The following PLCG1 variants were observed in gnomAD, a reference collection of about 807,000 sequenced individuals.
PLCG1 encodes 1-phosphatidylinositol 4,5-bisphosphate phosphodiesterase gamma-1.
Under a neutral mutation model 177.8 loss-of-function variants are expected in PLCG1, and 71 were observed. The observed-to-expected ratio is 0.40, with a 90% CI of 0.33 to 0.49. PLCG1 has a LOEUF of 0.49. PLCG1 is among the 20% of genes least tolerant of loss of function. The pLI, the probability that PLCG1 is intolerant of heterozygous loss-of-function variation, is 0.72. For synonymous variants in PLCG1, 658 were observed against 647.9 expected, an observed-to-expected ratio of 1.02 and a Z score of -0.24; for missense variants, 1,281 against 1,709.0, an observed-to-expected ratio of 0.75 and a Z score of 4.42.
Position 41,137,628 on chromosome 20 carries a change from C to A in PLCG1, c.-14C>A. On this transcript the variant is annotated 5_prime_UTR_variant, in exon 1 of 32. Coordinates refer to ENST00000685551, the MANE Select transcript of PLCG1 (RefSeq NM_002660.3). The surrounding 1 kb of genome is among the most constrained non-coding windows in gnomAD (Gnocchi z 7.3). ...GTCCTGGCCTGTGCCGCCGCCGCCC[C>A]CAGCGTCGGAGCCATGGCGGGCGCC... 1 of 1,316,894 alleles carries A rather than the reference C, an allele frequency of 7.6e-7. No homozygotes were observed. The highest frequency in any genetic ancestry group is 9.7e-7 in the Non-Finnish European group (1 of 1,031,542). The allele number at this position is 1,316,894 out of a possible 1,614,324, so 81.6% of individuals were successfully genotyped here. A position where few individuals can be genotyped will look rare whatever the true frequency, so the allele number is the denominator to read the frequency against.
rs1282938222 is a variant in PLCG1 at position 41,147,048 on chromosome 20, G to A, written c.217+9190G>A. Among the ~76,000 whole-genome samples, 1 of 152,154 alleles carries A rather than the reference G, an allele frequency of 6.6e-6. No homozygotes were observed. Among genetic ancestry groups the A allele is most frequent in the East Asian group, 1.9e-4 (1 of 5,190 alleles). On this transcript the variant is annotated intron_variant, in intron 1 of 31. Coordinates refer to ENST00000685551, the MANE Select transcript of PLCG1 (RefSeq NM_002660.3). This position sits in a 1 kb window ranked among gnomAD's most constrained non-coding sequence, Gnocchi z 4.0. ...GCAGGGGTGATGGTCCTTCTCTGAG[G>A]CACTGAAGACCCACTTTATGGTCAC...
At chr20:41,139,075 G>T (rs2034724095) in intron 1 of PLCG1, among the ~76,000 whole-genome samples, 1 of 152,188 alleles carries the variant, frequency 6.6e-6, no homozygotes, top group Admixed American at 6.5e-5. Flanking sequence ...CTTGGGTATG[G>T]TGTGCATGTG....
chr20:41,142,922 G>C (rs147318891), intron 1 of PLCG1, among the ~76,000 whole-genome samples: 1 of 152,272 alleles, frequency 6.6e-6, no homozygotes, highest in East Asian at 1.9e-4. Context: ...GGAGGAGTTC[G>C]AATGCACCTG....
intron 22 of PLCG1, 65 bp from the exon 23 acceptor site, chr20:41,169,392 C>G: frequency 7.9e-7 from 1 of 1,267,968 alleles, no homozygotes; most frequent in Non-Finnish European, 1.2e-6. Context: ...CCCATGCACA[C>G]GGATATCCCC....
chr20:41,150,915 G>C lies in PLCG1; in HGVS notation c.218-8691G>C, dbSNP rs919839374. Among the ~76,000 whole-genome samples the C allele has an allele frequency of 6.6e-6, 1 of 152,136 alleles. No individual in the cohort carries two copies. Among genetic ancestry groups the C allele is most frequent in the Non-Finnish European group, 1.5e-5 (1 of 68,016 alleles). On this transcript the variant is annotated intron_variant, in intron 1 of 31. Transcript: ENST00000685551. The surrounding 1 kb of genome is among the most constrained non-coding windows in gnomAD (Gnocchi z 4.0). Reference sequence around the variant, plus strand: ...CCCATCTGTTTCCTCCATCAGGCAGGGGTTTTCTCAAAGGCAGGAACTCAA... The same window carrying C: ...CCCATCTGTTTCCTCCATCAGGCAGCGGTTTTCTCAAAGGCAGGAACTCAA...
Position 41,173,993 on chromosome 20 carries a change from T to C in PLCG1, c.3627T>C (p.Ile1209=), listed in dbSNP as rs2035983504. 1.2e-6 allele frequency: 2 copies of C among 1,614,042 alleles called. No individual in the cohort carries two copies. The highest frequency in any genetic ancestry group is 1.7e-6 in the Non-Finnish European group (2 of 1,179,964). ...DLELASLLIK[I]DIFPAKQENG... ...AGTTGGCCTCCCTGCTGATCAAGAT[T>C]GACATTTTCCCTGCCAAGGTATCTG... The change falls in exon 30 of 32, where the codon ATT becomes ATC. Residue 1209 remains isoleucine (I), a synonymous_variant. Transcript: ENST00000685551. The surrounding 1 kb of genome is among the most constrained non-coding windows in gnomAD (Gnocchi z 6.2).
Position 41,166,592 on chromosome 20 carries a change from T to G in PLCG1, c.2117T>G (p.Phe706Cys). The G allele has an allele frequency of 1.2e-6, 2 of 1,614,214 alleles. No homozygotes were observed. Among genetic ancestry groups the G allele is most frequent in the Non-Finnish European group, 1.7e-6 (2 of 1,180,036 alleles). Residue 706 changes from phenylalanine to cysteine, a missense_variant, in exon 18 of 32, where the codon TTC (phenylalanine) becomes TGC (cysteine). By Grantham distance (205) the Phe-to-Cys change is radical (BLOSUM62 -2). Transcript: ENST00000685551. This position sits in a 1 kb window ranked among gnomAD's most constrained non-coding sequence, Gnocchi z 8.6. ...RNEPNSYAIS[F>C]RAEGKIKHCR... ...GAACCCAACTCATATGCCATCTCTTTCCGGTGAGGGGTGTGGCACTGGGTT... is the reference window on the plus strand; with the variant it reads ...GAACCCAACTCATATGCCATCTCTTGCCGGTGAGGGGTGTGGCACTGGGTT...
rs189864444 is a variant in PLCG1 at position 41,157,465 on chromosome 20, G to C, written c.218-2141G>C. Among the ~76,000 whole-genome samples, 5 of 152,178 alleles carry C rather than the reference G, an allele frequency of 3.3e-5. No homozygotes were observed. The East Asian group carries it at 9.7e-4, about 29-fold the overall frequency. ...GTTCTCCCTGCCCCTGTTTCTACCC[G>C]AGTATAACTGTTCATTTTTGTTCCC... On this transcript the variant is annotated intron_variant, in intron 1 of 31. Coordinates refer to ENST00000685551, the MANE Select transcript of PLCG1 (RefSeq NM_002660.3). The surrounding 1 kb of genome is among the most constrained non-coding windows in gnomAD (Gnocchi z 5.4).
chr20:41,151,740 C>T lies in PLCG1; in HGVS notation c.218-7866C>T, dbSNP rs2035173111. Among the ~76,000 whole-genome samples, 1 of 152,150 alleles carries T rather than the reference C, an allele frequency of 6.6e-6. No homozygotes were observed. Among genetic ancestry groups the T allele is most frequent in the South Asian group, 2.1e-4 (1 of 4,828 alleles). ...ATGCAGCCAGCTTGGAAATGCTGACCATCCTGTGACCTGGCTACTATTGCA... is the reference window on the plus strand; with the variant it reads ...ATGCAGCCAGCTTGGAAATGCTGACTATCCTGTGACCTGGCTACTATTGCA... On this transcript the variant is annotated intron_variant, in intron 1 of 31. Coordinates refer to ENST00000685551, the MANE Select transcript of PLCG1 (RefSeq NM_002660.3). This position sits in a 1 kb window ranked among gnomAD's most constrained non-coding sequence, Gnocchi z 5.5.
At chr20:41,152,431 A>G (rs1648961667) in intron 1 of PLCG1, among the ~76,000 whole-genome samples, 1 of 152,074 alleles carries the variant, frequency 6.6e-6, no homozygotes, top group African/African-American at 2.4e-5. Context: ...CCCCCCAACT[A>G]TGCCTGCTGC....
rs192373574 is a variant in PLCG1, at chr20:41,174,235, C to T, written c.3757C>T (p.Arg1253Cys). The T allele has an allele frequency of 8.7e-6, 14 of 1,614,158 alleles. No homozygotes were observed. The Admixed American group carries it at 2.0e-4, about 23-fold the overall frequency. The change falls in exon 31 of 32, where the codon CGC (arginine) becomes TGC (cysteine). Residue 1253 changes from arginine (R) to cysteine (C), a missense_variant. Physicochemically the swap from Arg to Cys is radical, Grantham distance 180. Transcript: ENST00000685551. The surrounding 1 kb of genome is among the most constrained non-coding windows in gnomAD (Gnocchi z 5.8). Reference sequence around the variant, plus strand: ...AGCCCGGGAAGGCTCCTTTGAATCCCGCTACCAGCAGCCGTTTGAGGACTT... The same window carrying T: ...AGCCCGGGAAGGCTCCTTTGAATCCTGCTACCAGCAGCCGTTTGAGGACTT... The part of the protein sequence containing the change: ...GRAREGSFES[R>C]YQQPFEDFRI...
intron 20 of PLCG1, 101 bp from the exon 21 acceptor site, chr20:41,168,665 AG>A (rs1472409634): frequency 9.9e-6 from 7 of 709,284 alleles, no homozygotes; most frequent in Admixed American, 8.5e-5. Flanking sequence ...GCCTGACCCC[AG>A]GCAGGGAAGC....
chr20:41,138,123 C>G (rs1346710677), intron 1 of PLCG1: 4 of 312,822 alleles, frequency 1.3e-5, no homozygotes, highest in African/African-American at 4.3e-5. Flanking sequence ...CCTAAAAATC[C>G]TCGCGGGCTG....
intron 4 of PLCG1, among the ~76,000 whole-genome samples, chr20:41,161,882 C>T (rs2035509886): frequency 6.6e-6 from 1 of 152,180 alleles, no homozygotes; most frequent in Non-Finnish European, 1.5e-5. Context: ...TGGAGCCAGG[C>T]CCTGTCTAGC....
In PLCG1 at chr20:41,167,247, G is replaced by T. The variant is rs541643399; in HGVS notation, c.2301+388G>T. 2.6e-5 allele frequency among the ~76,000 whole-genome samples: 4 copies of T among 152,304 alleles called. No individual in the cohort carries two copies. Among genetic ancestry groups the T allele is most frequent in the East Asian group, 1.9e-4 (1 of 5,186 alleles). On this transcript the variant is annotated intron_variant, in intron 19 of 31. Transcript: ENST00000685551. The surrounding 1 kb of genome is among the most constrained non-coding windows in gnomAD (Gnocchi z 4.4). ...TTGTGGAGCCTCCGCCTGGTGGATG[G>T]TATGGAGGGCAGAGCCACAGGAGGT...
At chr20:41,162,604 T>A (rs768499513) in intron 5 of PLCG1, 38 bp from the exon 6 acceptor site, 2 of 1,607,726 alleles carry the variant, frequency 1.2e-6, no homozygotes, top group African/African-American at 2.7e-5. Flanking sequence ...GCTGGGGGCC[T>A]GACTGCCTGA....
Position 41,162,474 on chromosome 20 carries a change from A to G in PLCG1, c.535A>G (p.Asn179Asp). 1 of 1,613,680 alleles carries G rather than the reference A, an allele frequency of 6.2e-7. No homozygotes were observed. The highest frequency in any genetic ancestry group is 8.5e-7 in the Non-Finnish European group (1 of 1,179,734). The change falls in exon 5 of 32, where the codon AAC becomes GAC. Residue 179 changes from asparagine (N) to aspartate (D), a missense_variant. Physicochemically the swap from Asn to Asp is conservative, Grantham distance 23. Transcript: ENST00000685551. ...CAGTATATCAGCCAAGGACCTGAAGAACATGCTGTCCCAGGTCAACTACCG... is the reference window on the plus strand; with the variant it reads ...CAGTATATCAGCCAAGGACCTGAAGGACATGCTGTCCCAGGTCAACTACCG... Reference protein sequence around the residue: ...EDRISAKDLKNMLSQVNYRVP... With the variant: ...EDRISAKDLKDMLSQVNYRVP...
chr20:41,151,313 T>C lies in PLCG1; in HGVS notation c.218-8293T>C, dbSNP rs1236082853. On this transcript the variant is annotated intron_variant, in intron 1 of 31. Transcript: ENST00000685551. The surrounding 1 kb of genome is among the most constrained non-coding windows in gnomAD (Gnocchi z 5.5). ...TCTGCCATGACTCACCATATGACCA[T>C]GACAAGACCCTTTGGACCCTCTGTT... is the stretch of plus-strand genomic sequence containing the variant. Among the ~76,000 whole-genome samples, 1 of 152,152 alleles carries C rather than the reference T, an allele frequency of 6.6e-6. No homozygotes were observed. Among genetic ancestry groups the C allele is most frequent in the African/African-American group, 2.4e-5 (1 of 41,436 alleles).
rs1399941785 is a variant in PLCG1 at position 41,144,190 on chromosome 20, A to G, written c.217+6332A>G. ...GCAGGAGTTACTATCCCTCTCTTAC[A>G]GAGGAGAAAACCAAGCCCTAAGGGT... On this transcript the variant is annotated intron_variant, in intron 1 of 31. Transcript: ENST00000685551. This position sits in a 1 kb window ranked among gnomAD's most constrained non-coding sequence, Gnocchi z 4.1. Among the ~76,000 whole-genome samples, 1 of 152,236 alleles carries G rather than the reference A, an allele frequency of 6.6e-6. No individual in the cohort carries two copies. Among genetic ancestry groups the G allele is most frequent in the Non-Finnish European group, 1.5e-5 (1 of 68,038 alleles).
Sources: allele counts gnomAD v4.1 joint callset (sites outside exome capture counted in the v4.1 genomes callset), GRCh38; gene constraint gnomAD v4.1.1; non-coding constraint Gnocchi (gnomAD v3.1); transcripts MANE v1.5; gene names NCBI Gene and HGNC (gene_info 2026-07-23, HGNC 2026-07-21).